ALX4: variants seen among roughly 807,000 people sequenced by gnomAD.
ALX4 encodes homeobox protein aristaless-like 4.
In ALX4, 22 loss-of-function variants were observed where a neutral mutation model predicts 40.6. That is an observed-to-expected ratio of 0.54 (90% confidence interval 0.39 to 0.77). ALX4 has a LOEUF of 0.77. Ranked by LOEUF, ALX4 falls within the 30% of genes least tolerant of loss-of-function variation. The pLI is 0.00. For missense variants in ALX4, 556 were observed against 564.8 expected, an observed-to-expected ratio of 0.98 and a Z score of 0.16; for synonymous variants, 266 against 240.5, an observed-to-expected ratio of 1.11 and a Z score of -0.98.
chr11:44,281,264 T>C (rs1956308460), intron 1 of ALX4, among the ~76,000 whole-genome samples: 1 of 151,836 alleles, frequency 6.6e-6, no homozygotes, highest in Non-Finnish European at 1.5e-5. Context: ...GGAACATATG[T>C]GTAGTTGCTT....
At position 44,309,951 on chromosome 11, in the gene ALX4, G is replaced by C. The variant is rs755162732; in HGVS notation, c.112C>G (p.Pro38Ala). The C allele has an allele frequency of 8.2e-6, 13 of 1,594,830 alleles. No individual in the cohort carries two copies. The highest frequency in any genetic ancestry group is 1.3e-5 in the African/African-American group (1 of 74,654). The change falls in exon 1 of 4, where the codon CCC (proline) becomes GCC (alanine). Residue 38 changes from proline to alanine, a missense_variant. Physicochemically the swap from Pro to Ala is conservative, Grantham distance 27. Transcript: ENST00000652299. ...REGSSPFRAF[P>A]GGDKFGTTFL... The stretch of plus-strand genomic sequence containing the variant: ...GTTGTGCCGAACTTGTCGCCTCCGG[G>C]AAATGCCCTAAAAGGCGACGAGCCC...
At chr11:44,275,723 G>A (rs1956274264) in intron 1 of ALX4, 65 bp from the exon 2 acceptor site, 3 of 1,501,144 alleles carry the variant, frequency 2.0e-6, no homozygotes, top group Non-Finnish European at 2.7e-6. Context: ...GGGAATGTCA[G>A]GGGGAGAGTG....
chr11:44,309,291 C>CG (rs954204207), intron 1 of ALX4, among the ~76,000 whole-genome samples: 5 of 151,354 alleles, frequency 3.3e-5, no homozygotes, highest in Non-Finnish European at 7.4e-5. Context: ...AAGAAGCATC[C>CG]GCTTCAAATC....
At chr11:44,303,167 T>A (rs898702064) in intron 1 of ALX4, among the ~76,000 whole-genome samples, 5 of 152,192 alleles carry the variant, frequency 3.3e-5, no homozygotes, top group Non-Finnish European at 7.3e-5. Flanking sequence ...CCAGTTGTTC[T>A]GCTCTGACCT....
intron 1 of ALX4, among the ~76,000 whole-genome samples, chr11:44,291,425 TGGAGACAG>T (rs1455799563): frequency 2.6e-5 from 4 of 151,936 alleles, no homozygotes; most frequent in African/African-American, 7.3e-5. Flanking sequence ...TTTCTTTTTT[TGGAGACAG>T]GGTCTTGCTC....
intron 1 of ALX4, among the ~76,000 whole-genome samples, chr11:44,280,688 C>T (rs1363797413): frequency 6.6e-6 from 1 of 152,240 alleles, no homozygotes; most frequent in Non-Finnish European, 1.5e-5. Context: ...AGTGAACCTA[C>T]ATCACTGAGA....
At chr11:44,304,495 C>T (rs970607933) in intron 1 of ALX4, among the ~76,000 whole-genome samples, 1 of 146,250 alleles carries the variant, frequency 6.8e-6, no homozygotes, top group African/African-American at 2.4e-5. Context: ...GCAGGGCGCG[C>T]CCCCCCCATG....
chr11:44,305,086 T>C (rs1206681642), intron 1 of ALX4, among the ~76,000 whole-genome samples: 1 of 152,228 alleles, frequency 6.6e-6, no homozygotes, highest in Non-Finnish European at 1.5e-5. Context: ...ACAAAAAATG[T>C]TTTTGCTTTA....
chr11:44,303,209 C>T (rs1232686745), intron 1 of ALX4, among the ~76,000 whole-genome samples: 1 of 152,164 alleles, frequency 6.6e-6, no homozygotes, highest in African/African-American at 2.4e-5. Context: ...CTACGAGGTG[C>T]GTGGGGCCAA....
rs753642057 is a variant in ALX4 at position 44,275,512 on chromosome 11, C to A, written c.613G>T (p.Ala205Ser). 5 of 1,614,194 alleles carry A rather than the reference C, an allele frequency of 3.1e-6. No individual in the cohort carries two copies. The highest frequency in any genetic ancestry group is 4.2e-6 in the Non-Finnish European group (5 of 1,180,016). ...TTGCCCTTGTTGCTCTCTGAGTCGG[C>A]CTTCTCCAATGGGCTGGGGAGGTCT... The part of the protein sequence containing the change: ...SSDLPSPLEK[A>S]DSESNKGKKR... The change falls in exon 2 of 4, where the codon GCC becomes TCC. Residue 205 changes from alanine to serine, a missense_variant. Coordinates refer to ENST00000652299, the MANE Select transcript of ALX4 (RefSeq NM_021926.4).
At chr11:44,280,296 A>G (rs1322919763) in intron 1 of ALX4, among the ~76,000 whole-genome samples, 1 of 152,128 alleles carries the variant, frequency 6.6e-6, no homozygotes, top group African/African-American at 2.4e-5. Context: ...AGGTCCAGAA[A>G]CCCAGTCCAG....
intron 1 of ALX4, among the ~76,000 whole-genome samples, chr11:44,298,838 C>T (rs753974664): frequency 3.9e-5 from 6 of 151,986 alleles, no homozygotes; most frequent in South Asian, 2.1e-4. Context: ...TGCAAGAGAA[C>T]GACAAAGCAG....
chr11:44,300,974 A>G (rs1285020751), intron 1 of ALX4, among the ~76,000 whole-genome samples: 2 of 152,238 alleles, frequency 1.3e-5, no homozygotes, highest in African/African-American at 4.8e-5. Context: ...CCTTCTCCTC[A>G]GAGCCTGAGT....
chr11:44,275,540 G>A lies in ALX4; in HGVS notation c.585C>T (p.Ser195=). The A allele has an allele frequency of 6.2e-7, 1 of 1,614,202 alleles. No individual in the cohort carries two copies. Among genetic ancestry groups the A allele is most frequent in the South Asian group, 1.1e-5 (1 of 91,086 alleles). The change falls in exon 2 of 4, where the codon AGC becomes AGT. Residue 195 remains serine (S), a synonymous_variant. Coordinates refer to ENST00000652299, the MANE Select transcript of ALX4 (RefSeq NM_021926.4). ...TCTCCAATGGGCTGGGGAGGTCTGA[G>A]CTGGCCCGGTCCTGGGGCCCCTTCA... ...AGVKGPQDRA[S]SDLPSPLEKA...
intron 1 of ALX4, among the ~76,000 whole-genome samples, chr11:44,296,306 T>C (rs1037991236): frequency 2.0e-5 from 3 of 152,162 alleles, no homozygotes; most frequent in African/African-American, 7.2e-5. Context: ...TATTCAAAAT[T>C]AAAGTCATCA....
At chr11:44,285,697 T>C (rs148045793) in intron 1 of ALX4, among the ~76,000 whole-genome samples, 1 of 152,014 alleles carries the variant, frequency 6.6e-6, no homozygotes, top group Non-Finnish European at 1.5e-5. Context: ...TTTTTTTTTT[T>C]ATTTTTTAAC....
At chr11:44,281,860 C>A (rs138804792) in intron 1 of ALX4, among the ~76,000 whole-genome samples, 2 of 152,198 alleles carry the variant, frequency 1.3e-5, no homozygotes, top group Non-Finnish European at 2.9e-5. Context: ...CGGGGCACAG[C>A]TGTTTGCAGA....
At chr11:44,275,679 G>A (rs774844132) in intron 1 of ALX4, 21 bp from the exon 2 acceptor site, 21 of 1,609,682 alleles carry the variant, frequency 1.3e-5, no homozygotes, top group Middle Eastern at 1.7e-4. Context: ...AGGAAACAAA[G>A]TCAGAAACCA....
At chr11:44,279,886 G>T (rs1956298953) in intron 1 of ALX4, among the ~76,000 whole-genome samples, 2 of 152,226 alleles carry the variant, frequency 1.3e-5, no homozygotes, top group Non-Finnish European at 2.9e-5. Flanking sequence ...CACAGGATAG[G>T]TCAGGTGGCA....
Sources: allele counts gnomAD v4.1 joint callset (sites outside exome capture counted in the v4.1 genomes callset), GRCh38; gene constraint gnomAD v4.1.1; transcripts MANE v1.5; gene names NCBI Gene and HGNC (gene_info 2026-07-23, HGNC 2026-07-21).